The following RELL1 variants were observed in gnomAD, a reference collection of about 807,000 sequenced individuals.
The protein encoded by RELL1 is RELT-like protein 1.
In RELL1, 10 loss-of-function variants were observed where a neutral mutation model predicts 23.0. The ratio of observed to expected loss-of-function variants is 0.43; its 90% CI spans 0.27 to 0.74. The LOEUF is 0.74. RELL1 is among the 30% of genes least tolerant of loss of function. RELL1 has a pLI of 0.19. For synonymous variants in RELL1, 146 were observed against 146.8 expected, an observed-to-expected ratio of 0.99 and a Z score of 0.04; for missense variants, 315 against 364.4, an observed-to-expected ratio of 0.86 and a Z score of 1.10.
intron 1 of RELL1, among the ~76,000 whole-genome samples, chr4:37,667,908 G>GGGATCAGA (rs1721593060): frequency 6.6e-6 from 1 of 151,920 alleles, no homozygotes; most frequent in Non-Finnish European, 1.5e-5. Flanking sequence ...TTTGTATGAA[G>GGGATCAGA]GGATCAGATT....
At chr4:37,601,813 T>G (rs1285040433) in intron 6 of RELL1, among the ~76,000 whole-genome samples, 1 of 152,170 alleles carries the variant, frequency 6.6e-6, no homozygotes, top group Non-Finnish European at 1.5e-5. Context: ...TTTGGTTGGT[T>G]GGTTGCAAAT....
chr4:37,607,538 C>T (rs1719259110), downstream of RELL1, among the ~76,000 whole-genome samples: 2 of 151,494 alleles, frequency 1.3e-5, 1 homozygote, highest in South Asian at 4.2e-4. Context: ...GTGTGGCAAC[C>T]CTGCAAGTCG....
intron 5 of RELL1, among the ~76,000 whole-genome samples, chr4:37,633,419 A>C (rs1420584773): frequency 2.3e-5 from 1 of 42,674 alleles, no homozygotes; most frequent in Non-Finnish European, 4.3e-5. Flanking sequence ...AAAAAAAAAA[A>C]AAAAAAAAAA....
At chr4:37,636,860 C>T (rs1374720477) in intron 4 of RELL1, among the ~76,000 whole-genome samples, 3 of 152,102 alleles carry the variant, frequency 2.0e-5, no homozygotes, top group Admixed American at 2.0e-4. Context: ...AAACTGGCCA[C>T]CTACACACTT....
At chr4:37,667,989 A>T (rs1721596058) in intron 1 of RELL1, among the ~76,000 whole-genome samples, 1 of 152,156 alleles carries the variant, frequency 6.6e-6, no homozygotes, top group African/African-American at 2.4e-5. Flanking sequence ...AAAAACACAT[A>T]CAAAGCAGTA....
At chr4:37,650,026 T>C (rs1013556357) in intron 1 of RELL1, among the ~76,000 whole-genome samples, 2 of 152,214 alleles carry the variant, frequency 1.3e-5, no homozygotes, top group African/African-American at 4.8e-5. Flanking sequence ...TGGTTTCTTA[T>C]GAAATGGGCA....
Position 37,647,376 on chromosome 4 carries a change from T to G in RELL1, c.377A>C (p.Lys126Thr). The G allele has an allele frequency of 6.2e-7, 1 of 1,610,780 alleles. No individual in the cohort carries two copies. The highest frequency in any genetic ancestry group is 1.1e-5 in the South Asian group (1 of 90,978). ...CACTAAAATGTTCACACCTTCATTT[T>G]TCATGATGTAGTGGACGATTTGCCC... ...TVGQIVHYIM[K>T]NEANADVLKA... Residue 126 changes from lysine (K) to threonine (T), a missense_variant, in exon 3 of 7, where the codon AAA becomes ACA. Lys to Thr is a moderately conservative substitution (Grantham distance 78). Transcript: ENST00000454158.
chr4:37,619,596 C>T lies in RELL1; in HGVS notation c.*4-6254G>A, dbSNP rs12501427. Among the ~76,000 whole-genome samples the T allele has an allele frequency of 8.6e-3, 1,306 of 152,204 alleles. 57 individuals carry two copies. The highest frequency in any genetic ancestry group is 0.074 in the East Asian group (384 of 5,168). ...TGTTCCCTTTTATTCTCTGCAGAGT[C>T]TCTCTCTGTCACCCAGGCTGGAATG... On this transcript the variant is annotated intron_variant, in intron 6 of 6. Transcript: ENST00000454158.
At position 37,635,060 on chromosome 4, in the gene RELL1, C is replaced by G. The variant is rs1364780473; in HGVS notation, c.507G>C (p.Gly169=). 6.2e-7 allele frequency: 1 copy of G among 1,614,040 alleles called. No homozygotes were observed. The highest frequency in any genetic ancestry group is 8.5e-7 in the Non-Finnish European group (1 of 1,180,020). The change falls in exon 5 of 7, where the codon GGG becomes GGC. Residue 169 remains glycine (G), a synonymous_variant. Transcript: ENST00000454158. ...GGCCACAGACGTGCTTCCCTGGCGT[C>G]CCCCCTGGTGACAAAGGCCCAGGAC... The part of the protein sequence containing the change: ...PVSPGPLSPG[G]TPGKHVCGHH...
intron 1 of RELL1, among the ~76,000 whole-genome samples, chr4:37,651,268 G>A (rs1720930404): frequency 6.6e-6 from 1 of 152,082 alleles, no homozygotes; most frequent in East Asian, 1.9e-4. Context: ...AGAACATACC[G>A]TGTAGCAAAA....
chr4:37,654,809 T>C (rs957618964), intron 1 of RELL1, among the ~76,000 whole-genome samples: 1 of 152,204 alleles, frequency 6.6e-6, no homozygotes, highest in Non-Finnish European at 1.5e-5. Context: ...TGATCCAATA[T>C]TGAATTTCAA....
Position 37,649,469 on chromosome 4 carries a change from T to C in RELL1, c.120A>G (p.Arg40=). 1 of 1,614,060 alleles carries C rather than the reference T, an allele frequency of 6.2e-7. No homozygotes were observed. Among genetic ancestry groups the C allele is most frequent in the Non-Finnish European group, 8.5e-7 (1 of 1,179,944 alleles). ...TGCTGGGCGACGGGGTCGTCTCTGTTCTGGAGTGCAATGTGCGGCTGCTCC... is the reference window on the plus strand; with the variant it reads ...TGCTGGGCGACGGGGTCGTCTCTGTCCTGGAGTGCAATGTGCGGCTGCTCC... ...DNGSSRTLHS[R]TETTPSPSND... The change falls in exon 2 of 7, where the codon AGA becomes AGG. Residue 40 remains arginine (R), a synonymous_variant. Transcript: ENST00000454158.
intron 2 of RELL1, among the ~76,000 whole-genome samples, chr4:37,648,593 C>G (rs1720788553): frequency 6.6e-6 from 1 of 152,168 alleles, no homozygotes; most frequent in African/African-American, 2.4e-5. Context: ...TTTCGTCTCC[C>G]CGGTTTTTCT....
intron 3 of RELL1, among the ~76,000 whole-genome samples, chr4:37,638,768 T>A (rs2109268852): frequency 6.6e-6 from 1 of 152,266 alleles, no homozygotes. Context: ...CATTGCTTCT[T>A]ACACATCAAT....
chr4:37,655,667 C>T lies in RELL1; in HGVS notation c.89-6167G>A, dbSNP rs73230540. On this transcript the variant is annotated intron_variant, in intron 1 of 6. Coordinates refer to ENST00000454158, the MANE Select transcript of RELL1 (RefSeq NM_001085400.2). ...TACTTTGTGAGGCAGCTCTAGCAAA[C>T]GAATTCACTTGGCATCTTGAGGACA... Among the ~76,000 whole-genome samples the T allele has an allele frequency of 7.2e-3, 1,089 of 152,290 alleles. 7 individuals carry two copies. The highest frequency in any genetic ancestry group is 0.037 in the Middle Eastern group (11 of 294).
chr4:37,649,628 G>A, intron 1 of RELL1, 128 bp from the exon 2 acceptor site: 2 of 757,818 alleles, frequency 2.6e-6, no homozygotes, highest in South Asian at 3.5e-5. Flanking sequence ...AGACTGGTGG[G>A]TCCAGCTGCA....
At chr4:37,637,627 C>T (rs890985656) in intron 4 of RELL1, among the ~76,000 whole-genome samples, 1 of 152,230 alleles carries the variant, frequency 6.6e-6, no homozygotes, top group Non-Finnish European at 1.5e-5. Flanking sequence ...CACAGGCTCT[C>T]CACCATGAGG....
chr4:37,659,492 G>A (rs898139876), intron 1 of RELL1, among the ~76,000 whole-genome samples: 3 of 152,134 alleles, frequency 2.0e-5, no homozygotes, highest in Non-Finnish European at 2.9e-5. Flanking sequence ...CACACCCAGT[G>A]GGCATGGCTT....
intron 6 of RELL1, among the ~76,000 whole-genome samples, chr4:37,614,872 T>C (rs1371590854): frequency 7.2e-5 from 11 of 152,168 alleles, no homozygotes; most frequent in Admixed American, 7.2e-4. Context: ...TAATGTTTCA[T>C]CACAGTAACA....
Sources: gnomAD v4.1 joint callset for allele counts (sites outside exome capture counted in the v4.1 genomes callset) on GRCh38, gnomAD v4.1.1 for gene constraint, MANE v1.5 for transcripts, NCBI Gene and HGNC (gene_info 2026-07-23, HGNC 2026-07-21) for gene names.